SPIN1: variants seen among roughly 807,000 people sequenced by gnomAD.
SPIN1 encodes the protein spindlin-1.
A neutral mutation model predicts 26.0 loss-of-function variants in SPIN1; 3 were observed. The observed-to-expected ratio is 0.12, with a 90% confidence interval of 0.05 to 0.30. SPIN1 has a LOEUF of 0.30. Ranked by LOEUF, SPIN1 falls within the 10% of genes least tolerant of loss-of-function variation. The probability of loss-of-function intolerance (pLI) is 1.00; values close to 1 mark genes in which losing one functional copy is unlikely to be tolerated. For synonymous variants in SPIN1, 101 were observed against 116.5 expected, an observed-to-expected ratio of 0.87 and a Z score of 0.86; for missense variants, 126 against 333.4, an observed-to-expected ratio of 0.38 and a Z score of 4.84.
At chr9:88,454,119 C>A (rs948720401) in intron 3 of SPIN1, among the ~76,000 whole-genome samples, 1 of 152,030 alleles carries the variant, frequency 6.6e-6, no homozygotes. Flanking sequence ...TCAAGATGTC[C>A]TAGGTTGAAT....
intron 3 of SPIN1, among the ~76,000 whole-genome samples, chr9:88,457,356 C>A (rs540801117): frequency 3.6e-4 from 55 of 152,186 alleles, no homozygotes; most frequent in East Asian, 3.9e-4. Context: ...TGGCGAAACC[C>A]TGTCTCTACT....
At chr9:88,391,531 A>C (rs1204137432) in intron 1 of SPIN1, 1 of 152,340 alleles carries the variant, frequency 6.6e-6, no homozygotes, top group Non-Finnish European at 1.5e-5. Flanking sequence ...CTGTTGAGTA[A>C]CAGGTATCTC....
In SPIN1 at chr9:88,394,853, A is replaced by T. The variant is rs374918032; in HGVS notation, c.-159+6315A>T. On this transcript the variant is annotated intron_variant, in intron 1 of 5. Coordinates refer to ENST00000375859, the MANE Select transcript of SPIN1 (RefSeq NM_006717.3). ...GAGACAGAGTCTCGCTCTGTCGCCC[A>T]GGCTGGAGTCCAGTGGTGCGATCTC... Among the ~76,000 whole-genome samples, 114 of 135,402 alleles carry T rather than the reference A, an allele frequency of 8.4e-4. 1 individual carries two copies. Among genetic ancestry groups the T allele is most frequent in the African/African-American group, 3.2e-3 (111 of 34,588 alleles). 88.8% of individuals were successfully genotyped at this position (135,402 alleles called of 152,430 possible). A position where few individuals can be genotyped will look rare whatever the true frequency, so the allele number is the denominator to read the frequency against.
chr9:88,457,914 C>A, intron 3 of SPIN1: 11 of 984,954 alleles, frequency 1.1e-5, no homozygotes, highest in Non-Finnish European at 1.3e-5. Flanking sequence ...AATGAAAATA[C>A]CAATTTGTAA....
intron 1 of SPIN1, among the ~76,000 whole-genome samples, chr9:88,406,610 A>T (rs1298633226): frequency 6.6e-6 from 1 of 152,170 alleles, no homozygotes; most frequent in Non-Finnish European, 1.5e-5. Context: ...CTAGAATTTT[A>T]AAAAATCTTG....
At chr9:88,458,325 G>A (rs139414555) in intron 3 of SPIN1, among the ~76,000 whole-genome samples, 234 of 152,290 alleles carry the variant, frequency 1.5e-3, no homozygotes, top group Non-Finnish European at 2.4e-3. Context: ...TTAATAAGAA[G>A]ATGAGGAAAT....
Position 88,392,419 on chromosome 9 carries a change from G to A in SPIN1, c.-159+3881G>A, listed in dbSNP as rs570677470. On this transcript the variant is annotated intron_variant, in intron 1 of 5. Coordinates refer to ENST00000375859, the MANE Select transcript of SPIN1 (RefSeq NM_006717.3). ...TATAATGAGGGAATTCTGTGCTGAA[G>A]GTATCTGGGAAGAGAAGGTGATTCC... 2.3e-4 allele frequency among the ~76,000 whole-genome samples: 35 copies of A among 152,276 alleles called. 1 individual carries two copies. Among genetic ancestry groups the A allele is most frequent in the African/African-American group, 8.2e-4 (34 of 41,548 alleles).
chr9:88,399,081 G>C (rs1827130825), intron 1 of SPIN1, among the ~76,000 whole-genome samples: 1 of 151,042 alleles, frequency 6.6e-6, no homozygotes, highest in Non-Finnish European at 1.5e-5. Context: ...GCCCAGGCTG[G>C]AGTGCAGTGG....
At chr9:88,392,150 C>T (rs1385481056) in intron 1 of SPIN1, among the ~76,000 whole-genome samples, 3 of 152,144 alleles carry the variant, frequency 2.0e-5, no homozygotes, top group Non-Finnish European at 4.4e-5. Flanking sequence ...TGATTTCCTT[C>T]TCCTTTCTAC....
At chr9:88,449,084 C>A (rs1368575470) in intron 3 of SPIN1, 95 bp downstream of exon 3, 2 of 1,152,650 alleles carry the variant, frequency 1.7e-6, no homozygotes, top group South Asian at 1.3e-5. Flanking sequence ...CCCCTGTGAT[C>A]GAGGGCTTCC....
chr9:88,477,983 T>G lies in SPIN1; in HGVS notation c.*2706T>G, dbSNP rs1477420819. 1 of 152,140 alleles carries G rather than the reference T, an allele frequency of 6.6e-6. No individual in the cohort carries two copies. The highest frequency in any genetic ancestry group is 2.4e-5 in the African/African-American group (1 of 41,420). 9.4% of individuals were successfully genotyped at this position (152,140 alleles called of 1,614,324 possible). On this transcript the variant is annotated 3_prime_UTR_variant, in exon 6 of 6. Transcript: ENST00000375859. ...AAATTGCATGTTAAAGATATTTAGGTTTTTTTGTTTTCTTTATTTTTATTT... is the reference window on the plus strand; with the variant it reads ...AAATTGCATGTTAAAGATATTTAGGGTTTTTTGTTTTCTTTATTTTTATTT...
At chr9:88,450,757 T>C (rs1240612909) in intron 3 of SPIN1, among the ~76,000 whole-genome samples, 1 of 152,222 alleles carries the variant, frequency 6.6e-6, no homozygotes, top group African/African-American at 2.4e-5. Flanking sequence ...GGAAAAGTTG[T>C]GAGTCCCATT....
intron 2 of SPIN1, among the ~76,000 whole-genome samples, chr9:88,438,218 C>T (rs1205902643): frequency 6.6e-6 from 1 of 151,620 alleles, no homozygotes; most frequent in Non-Finnish European, 1.5e-5. Context: ...TCTCTGTAAG[C>T]ACTGCTTTTG....
intron 1 of SPIN1, among the ~76,000 whole-genome samples, chr9:88,407,252 T>A (rs1827330217): frequency 6.6e-6 from 1 of 151,514 alleles, no homozygotes; most frequent in Admixed American, 6.6e-5. Flanking sequence ...TTCTCCTGCC[T>A]CAGCCTCCCG....
intron 1 of SPIN1, chr9:88,391,889 G>C: frequency 6.6e-6 from 1 of 152,206 alleles, no homozygotes; most frequent in East Asian, 1.9e-4. Context: ...CCAGCGGGAA[G>C]TGATGCCAGC....
chr9:88,418,581 T>C (rs761682403), intron 1 of SPIN1, among the ~76,000 whole-genome samples: 3 of 152,168 alleles, frequency 2.0e-5, no homozygotes, highest in Non-Finnish European at 4.4e-5. Flanking sequence ...CAATTTTCTT[T>C]TTATAAATAG....
At chr9:88,439,342 C>G (rs1828071231) in intron 2 of SPIN1, among the ~76,000 whole-genome samples, 1 of 152,190 alleles carries the variant, frequency 6.6e-6, no homozygotes, top group African/African-American at 2.4e-5. Context: ...AGATTGTCCA[C>G]ATGGGTTGAG....
chr9:88,453,238 TC>T (rs1473023522), intron 3 of SPIN1, among the ~76,000 whole-genome samples: 3 of 152,140 alleles, frequency 2.0e-5, no homozygotes, highest in African/African-American at 7.2e-5. Context: ...TTTCAGAACT[TC>T]TTTGAAGTAT....
intron 2 of SPIN1, among the ~76,000 whole-genome samples, chr9:88,428,229 C>T (rs1241908198): frequency 6.6e-6 from 1 of 152,072 alleles, no homozygotes; most frequent in Non-Finnish European, 1.5e-5. Flanking sequence ...AGGTTTGTTA[C>T]AAGGGTATAT....
Sources: gnomAD v4.1 joint callset for allele counts (sites outside exome capture counted in the v4.1 genomes callset) on GRCh38, gnomAD v4.1.1 for gene constraint, MANE v1.5 for transcripts, NCBI Gene and HGNC (gene_info 2026-07-23, HGNC 2026-07-21) for gene names.